The following HDAC4 variants were observed in gnomAD, a reference collection of about 807,000 sequenced individuals.
HDAC4 encodes the protein histone deacetylase 4.
Under a neutral mutation model 135.1 loss-of-function variants are expected in HDAC4, and 16 were observed. The observed-to-expected ratio is 0.12, with a 90% CI of 0.08 to 0.18. The LOEUF (loss-of-function observed/expected upper bound fraction) is 0.18. HDAC4 is among the 10% of genes least tolerant of loss of function. HDAC4 has a pLI of 1.00. For synonymous variants in HDAC4, 685 were observed against 653.4 expected, an observed-to-expected ratio of 1.05 and a Z score of -0.74; for missense variants, 1,143 against 1,511.8, an observed-to-expected ratio of 0.76 and a Z score of 4.05.
At chr2:239,275,165 C>T (rs573189463) in intron 2 of HDAC4, among the ~76,000 whole-genome samples, 7 of 150,832 alleles carry the variant, frequency 4.6e-5, no homozygotes, top group Admixed American at 2.6e-4. Context: ...GGGGGCCGGC[C>T]GGAAGCCCCG....
intron 24 of HDAC4, among the ~76,000 whole-genome samples, chr2:239,061,074 G>A (rs954422322): frequency 2.6e-5 from 4 of 152,394 alleles, no homozygotes; most frequent in South Asian, 2.1e-4. Context: ...GACCCTGTGC[G>A]CGCCACAATC....
rs371037258 is a variant in HDAC4 at position 239,058,601 on chromosome 2, A to G, written c.3004-3768T>C. On this transcript the variant is annotated intron_variant, in intron 24 of 26. Coordinates refer to ENST00000543185, the MANE Select transcript of HDAC4 (RefSeq NM_001378414.1). The stretch of plus-strand genomic sequence containing the variant: ...GGTCACAGCTCCAATATCTGGCACA[A>G]AAGATGTAAGGGAAAGGCCATTACT... Among the ~76,000 whole-genome samples the G allele has an allele frequency of 8.5e-5, 13 of 152,240 alleles. 1 individual carries two copies. Among genetic ancestry groups the G allele is most frequent in the Admixed American group, 8.5e-4 (13 of 15,286 alleles).
chr2:239,231,153 A>C (rs1241312235), intron 3 of HDAC4, among the ~76,000 whole-genome samples: 1 of 152,250 alleles, frequency 6.6e-6, no homozygotes, highest in East Asian at 1.9e-4. Flanking sequence ...CATAACCTTA[A>C]AAAGAGCCTC....
intron 2 of HDAC4, among the ~76,000 whole-genome samples, chr2:239,274,269 A>G (rs1276559566): frequency 6.6e-6 from 1 of 152,160 alleles, no homozygotes; most frequent in Non-Finnish European, 1.5e-5. Flanking sequence ...GGAAGGTTAC[A>G]CCCTCCCAGC....
intron 2 of HDAC4, among the ~76,000 whole-genome samples, chr2:239,283,200 C>T (rs1338392546): frequency 3.9e-5 from 6 of 152,166 alleles, no homozygotes; most frequent in Non-Finnish European, 8.8e-5. Context: ...ACGGGCCTGG[C>T]CCGCAGAGGA....
intron 12 of HDAC4, among the ~76,000 whole-genome samples, chr2:239,118,974 C>T (rs999894146): frequency 6.6e-5 from 10 of 152,280 alleles, no homozygotes; most frequent in African/African-American, 1.2e-4. Context: ...CTGGCGGTAC[C>T]GCTGTCGCTG....
intron 16 of HDAC4, among the ~76,000 whole-genome samples, chr2:239,096,327 G>A (rs2037027936): frequency 1.3e-5 from 2 of 148,516 alleles, no homozygotes; most frequent in East Asian, 2.0e-4. Context: ...ACGGATGCCC[G>A]CACCCCCTAC....
At chr2:239,065,269 G>A (rs943882954) in intron 24 of HDAC4, among the ~76,000 whole-genome samples, 4 of 152,208 alleles carry the variant, frequency 2.6e-5, no homozygotes, top group African/African-American at 9.7e-5. Context: ...GTGTGTGACC[G>A]CCTGTCTGGT....
rs1429558098 is a variant in HDAC4 at position 239,131,973 on chromosome 2, G to A, written c.1294+2272C>T. 2.6e-5 allele frequency among the ~76,000 whole-genome samples: 4 copies of A among 152,196 alleles called. No homozygotes were observed. In the East Asian group the frequency reaches 7.7e-4, roughly 29 times the overall value. On this transcript the variant is annotated intron_variant, in intron 11 of 26. Transcript: ENST00000543185. Reference sequence around the variant, plus strand: ...GACCGGAGGGGAGGAACCTGCACAGGAGGCTTCTTCCCACAAGAAGATGGG... The same window carrying A: ...GACCGGAGGGGAGGAACCTGCACAGAAGGCTTCTTCCCACAAGAAGATGGG...
chr2:239,166,024 G>A (rs2043104594), intron 5 of HDAC4, among the ~76,000 whole-genome samples: 1 of 152,148 alleles, frequency 6.6e-6, no homozygotes, highest in South Asian at 2.1e-4. Context: ...CTGACCAACT[G>A]CTAATAAATG....
At chr2:239,224,294 G>A (rs978433448) in intron 3 of HDAC4, among the ~76,000 whole-genome samples, 1 of 152,154 alleles carries the variant, frequency 6.6e-6, no homozygotes, top group Non-Finnish European at 1.5e-5. Context: ...CACTGCCTGG[G>A]TTGCTCCCAG....
intron 24 of HDAC4, among the ~76,000 whole-genome samples, chr2:239,064,428 G>A (rs949714235): frequency 2.0e-5 from 3 of 152,118 alleles, no homozygotes; most frequent in Non-Finnish European, 2.9e-5. Flanking sequence ...CCTGGCTGGA[G>A]GCGGGACCTG....
At chr2:239,126,184 ACT>A (rs1188929391) in intron 12 of HDAC4, among the ~76,000 whole-genome samples, 1 of 152,102 alleles carries the variant, frequency 6.6e-6, no homozygotes, top group African/African-American at 2.4e-5. Flanking sequence ...GTCCAACGGA[ACT>A]CACACGGGCT....
rs896232607 is a variant in HDAC4 at position 239,349,786 on chromosome 2, C to G, written c.22+2892G>C. The stretch of plus-strand genomic sequence containing the variant: ...CGGACAGGGCAGAGGAGGCAGCCAG[C>G]AGACTTCAGGCCCCAGGCAAACCAC... On this transcript the variant is annotated intron_variant, in intron 2 of 26. Transcript: ENST00000543185. This position sits in a 1 kb window ranked among gnomAD's most constrained non-coding sequence, Gnocchi z 5.7. Among the ~76,000 whole-genome samples, 1 of 152,252 alleles carries G rather than the reference C, an allele frequency of 6.6e-6. No individual in the cohort carries two copies. The highest frequency in any genetic ancestry group is 2.4e-5 in the African/African-American group (1 of 41,468).
chr2:239,192,616 A>T (rs1331407813), intron 3 of HDAC4, among the ~76,000 whole-genome samples: 3 of 152,182 alleles, frequency 2.0e-5, no homozygotes, highest in African/African-American at 7.2e-5. Context: ...TCTCACAAGC[A>T]CGGCGGTGCT....
chr2:239,089,898 A>G, intron 18 of HDAC4, 111 bp downstream of exon 18: 1 of 821,012 alleles, frequency 1.2e-6, no homozygotes, highest in Admixed American at 1.8e-5. Flanking sequence ...CCTCCCCATC[A>G]CAGCCGCCTC....
rs79902215 is a variant in HDAC4, at chr2:239,307,079, C to T, written c.22+45599G>A. Among the ~76,000 whole-genome samples the T allele has an allele frequency of 0.031, 4,668 of 152,158 alleles. 245 individuals carry two copies. The highest frequency in any genetic ancestry group is 0.11 in the African/African-American group (4,385 of 41,502). ...CAGCACTCTGGTGAGCCCAGAGGCCCGAGTCGTCCGGATGGCCCATCTCAG... is the reference window on the plus strand; with the variant it reads ...CAGCACTCTGGTGAGCCCAGAGGCCTGAGTCGTCCGGATGGCCCATCTCAG... On this transcript the variant is annotated intron_variant, in intron 2 of 26. Coordinates refer to ENST00000543185, the MANE Select transcript of HDAC4 (RefSeq NM_001378414.1). The surrounding 1 kb of genome is among the most constrained non-coding windows in gnomAD (Gnocchi z 4.8).
In HDAC4 at chr2:239,084,176, G is replaced by T. The variant is rs1472248448; in HGVS notation, c.2511C>A (p.Ser837Arg). ...AKLLQQRLSV[S>R]KILIVDWDVH... is the part of the protein sequence containing the mutation. ...TTACCCAGTCCACGATGAGGATCTT[G>T]CTCACGCTCAACCTCTGCTGCAGAA... The change falls in exon 20 of 27, where the codon AGC becomes AGA. Residue 837 changes from serine to arginine, a missense_variant. Coordinates refer to ENST00000543185, the MANE Select transcript of HDAC4 (RefSeq NM_001378414.1). The T allele has an allele frequency of 6.2e-7, 1 of 1,613,256 alleles. No homozygotes were observed. The highest frequency in any genetic ancestry group is 8.5e-7 in the Non-Finnish European group (1 of 1,179,450).
In HDAC4 at chr2:239,084,190, T is replaced by G; in HGVS notation, c.2497A>C (p.Arg833=). 1.9e-6 allele frequency: 3 copies of G among 1,613,508 alleles called. No individual in the cohort carries two copies. The highest frequency in any genetic ancestry group is 2.5e-6 in the Non-Finnish European group (3 of 1,179,658). The part of the protein sequence containing the change: ...VAVAAKLLQQ[R]LSVSKILIVD... Reference sequence around the variant, plus strand: ...ATGAGGATCTTGCTCACGCTCAACCTCTGCTGCAGAAGCTTGGCTGCCACG... The same window carrying G: ...ATGAGGATCTTGCTCACGCTCAACCGCTGCTGCAGAAGCTTGGCTGCCACG... Residue 833 remains arginine (R), a synonymous_variant, in exon 20 of 27, where the codon AGG becomes CGG. Coordinates refer to ENST00000543185, the MANE Select transcript of HDAC4 (RefSeq NM_001378414.1).
Sources: allele counts gnomAD v4.1 joint callset (sites outside exome capture counted in the v4.1 genomes callset), GRCh38; gene constraint gnomAD v4.1.1; non-coding constraint Gnocchi (gnomAD v3.1); transcripts MANE v1.5; gene names NCBI Gene and HGNC (gene_info 2026-07-23, HGNC 2026-07-21).